Variants in CRACD observed in about 807,000 individuals in gnomAD.
CRACD encodes the protein capping protein inhibiting regulator of actin dynamics.
A neutral mutation model predicts 106.8 loss-of-function variants in CRACD; 56 were observed. That is an observed-to-expected ratio of 0.52 (90% CI 0.42 to 0.66). CRACD has a LOEUF of 0.66. Ranked by LOEUF, CRACD falls within the 30% of genes least tolerant of loss-of-function variation. CRACD has a pLI of 0.00. For missense variants in CRACD, 1,730 were observed against 1,623.2 expected, an observed-to-expected ratio of 1.07 and a Z score of -1.13; for synonymous variants, 754 against 670.8, an observed-to-expected ratio of 1.12 and a Z score of -1.92.
chr4:56,207,321 G>A (rs1738169678), intron 2 of CRACD, among the ~76,000 whole-genome samples: 1 of 152,168 alleles, frequency 6.6e-6, no homozygotes, highest in Non-Finnish European at 1.5e-5. Context: ...AACCTGTTAT[G>A]GAGCCTATGA....
At chr4:56,323,708 T>G (rs1198357316) in intron 9 of CRACD, 141 bp downstream of exon 9, 1 of 816,818 alleles carries the variant, frequency 1.2e-6, no homozygotes. Context: ...CTGACCACCA[T>G]TAAACCAGGG....
At chr4:56,090,880 C>T (rs866985183) in intron 1 of CRACD, among the ~76,000 whole-genome samples, 22 of 152,210 alleles carry the variant, frequency 1.4e-4, no homozygotes, top group Middle Eastern at 6.8e-3. Context: ...GGTTTGGATC[C>T]TGGAGATGGA....
rs1001008348 is a variant in CRACD at position 56,314,489 on chromosome 4, G to A, written c.987G>A (p.Ala329=). The part of the protein sequence containing the change: ...ERRRLQAQAQ[A]EERRRLEEDA... Reference sequence around the variant, plus strand: ...GGCGTCTGCAGGCCCAGGCCCAAGCGGAGGAGAGGCGGCGGCTGGAGGAGG... The same window carrying A: ...GGCGTCTGCAGGCCCAGGCCCAAGCAGAGGAGAGGCGGCGGCTGGAGGAGG... Residue 329 remains alanine (A), a synonymous_variant, in exon 8 of 11, where the codon GCG becomes GCA. Transcript: ENST00000682029. The surrounding 1 kb of genome is among the most constrained non-coding windows in gnomAD (Gnocchi z 4.4). 2.0e-5 allele frequency: 30 copies of A among 1,523,344 alleles called. No homozygotes were observed. Among genetic ancestry groups the A allele is most frequent in the Non-Finnish European group, 2.5e-5 (28 of 1,138,126 alleles). The allele number at this position is 1,523,344 out of a possible 1,614,324, so 94.4% of individuals were successfully genotyped here.
At chr4:56,049,507 TG>T (rs754571097) in intron 1 of CRACD, among the ~76,000 whole-genome samples, 2 of 152,022 alleles carry the variant, frequency 1.3e-5, no homozygotes, top group African/African-American at 2.4e-5. Flanking sequence ...CGGAGGAACC[TG>T]CGCGCGGCTT....
intron 1 of CRACD, among the ~76,000 whole-genome samples, chr4:56,151,239 A>T (rs988852955): frequency 1.3e-5 from 2 of 152,102 alleles, no homozygotes; most frequent in Non-Finnish European, 2.9e-5. Flanking sequence ...ACCTCAGGCG[A>T]TCTGCCTGCC....
At chr4:56,270,418 A>T (rs1742281861) in intron 2 of CRACD, among the ~76,000 whole-genome samples, 1 of 152,054 alleles carries the variant, frequency 6.6e-6, no homozygotes, top group Admixed American at 6.5e-5. Context: ...AGGAAATGAG[A>T]CGTCTGGCTT....
chr4:56,135,098 A>G (rs1734956493), intron 1 of CRACD, among the ~76,000 whole-genome samples: 1 of 152,154 alleles, frequency 6.6e-6, no homozygotes, highest in Admixed American at 6.5e-5. Context: ...CCTGGCCAAG[A>G]TGGTGAAACC....
At chr4:56,324,057 G>T (rs1210521872) in intron 9 of CRACD, 47 bp from the exon 10 acceptor site, 10 of 1,563,962 alleles carry the variant, frequency 6.4e-6, no homozygotes, top group Non-Finnish European at 8.7e-6. Flanking sequence ...GTCTTTCCAT[G>T]TCTTAGGTTG....
chr4:56,119,877 C>T (rs1734427476), intron 1 of CRACD, among the ~76,000 whole-genome samples: 2 of 152,188 alleles, frequency 1.3e-5, no homozygotes, highest in Non-Finnish European at 2.9e-5. Flanking sequence ...CTGCTCCATA[C>T]TTTGTTGATG....
At chr4:56,273,972 C>T (rs1008687135) in intron 3 of CRACD, among the ~76,000 whole-genome samples, 1 of 152,182 alleles carries the variant, frequency 6.6e-6, no homozygotes, top group Non-Finnish European at 1.5e-5. Context: ...TTACAAAACC[C>T]TCAGACCAGT....
intron 1 of CRACD, among the ~76,000 whole-genome samples, chr4:56,098,767 G>A (rs980408994): frequency 1.8e-4 from 28 of 152,042 alleles, no homozygotes; most frequent in African/African-American, 6.5e-4. Context: ...TCTTGGCTCA[G>A]TGCAACCTCT....
intron 1 of CRACD, among the ~76,000 whole-genome samples, chr4:56,141,850 T>C (rs529468931): frequency 8.0e-4 from 122 of 151,554 alleles, no homozygotes; most frequent in Non-Finnish European, 1.4e-3. Context: ...CGCGCCACCA[T>C]GTTGGCTAGT....
intron 1 of CRACD, among the ~76,000 whole-genome samples, chr4:56,147,546 C>T (rs1735431983): frequency 6.6e-6 from 1 of 152,132 alleles, no homozygotes; most frequent in Admixed American, 6.5e-5. Flanking sequence ...TGGTGTCTGG[C>T]TTCTTTCACT....
intron 1 of CRACD, among the ~76,000 whole-genome samples, chr4:56,111,479 A>G (rs929926345): frequency 6.6e-6 from 1 of 152,222 alleles, no homozygotes; most frequent in Non-Finnish European, 1.5e-5. Flanking sequence ...ATAAAAAAGT[A>G]AAGTAAGTAA....
At chr4:56,278,222 C>T (rs746288625) in intron 3 of CRACD, among the ~76,000 whole-genome samples, 1 of 152,058 alleles carries the variant, frequency 6.6e-6, no homozygotes. Context: ...AAAAGGAGAA[C>T]AAAGATGGAA....
rs887041362 is a variant in CRACD, at chr4:56,049,162, G to C, written c.-473G>C. The C allele has an allele frequency of 6.7e-6, 1 of 149,630 alleles. No homozygotes were observed. The highest frequency in any genetic ancestry group is 2.4e-5 in the African/African-American group (1 of 41,204). 9.3% of individuals were successfully genotyped at this position (149,630 alleles called of 1,614,324 possible). A position where few individuals can be genotyped will look rare whatever the true frequency, so the allele number is the denominator to read the frequency against. Reference sequence around the variant, plus strand: ...GGCCACGGCCGACTGAGAGGCGGGTGCGCTGCTGGTGCTGCTGCCGCGGCG... The same window carrying C: ...GGCCACGGCCGACTGAGAGGCGGGTCCGCTGCTGGTGCTGCTGCCGCGGCG... On this transcript the variant is annotated 5_prime_UTR_variant, in exon 1 of 11. Coordinates refer to ENST00000682029, the MANE Select transcript of CRACD (RefSeq NM_001393381.1).
At position 56,085,306 on chromosome 4, in the gene CRACD, T is replaced by A. The variant is rs1278882576; in HGVS notation, c.-336+36007T>A. On this transcript the variant is annotated intron_variant, in intron 1 of 10. Transcript: ENST00000682029. Reference sequence around the variant, plus strand: ...AAACAATATTAGTAGAATCTTTATTTTAAAGTTTATTTATGTGGGTCTTAA... The same window carrying A: ...AAACAATATTAGTAGAATCTTTATTATAAAGTTTATTTATGTGGGTCTTAA... 7.9e-5 allele frequency among the ~76,000 whole-genome samples: 12 copies of A among 152,326 alleles called. No homozygotes were observed. In the East Asian group the frequency reaches 2.3e-3, roughly 29 times the overall value.
At chr4:56,092,556 A>G (rs1313662486) in intron 1 of CRACD, among the ~76,000 whole-genome samples, 1 of 152,144 alleles carries the variant, frequency 6.6e-6, no homozygotes, top group Non-Finnish European at 1.5e-5. Flanking sequence ...TATAAAATAT[A>G]TTATCAAAAT....
At position 56,316,375 on chromosome 4, in the gene CRACD, C is replaced by T. The variant is rs1417073450; in HGVS notation, c.2873C>T (p.Ala958Val). The T allele has an allele frequency of 1.9e-6, 3 of 1,614,120 alleles. No individual in the cohort carries two copies. Among genetic ancestry groups the T allele is most frequent in the South Asian group, 1.1e-5 (1 of 91,080 alleles). ...HDKAANKMPL[A>V]QKPALAPKPT... Reference sequence around the variant, plus strand: ...AAGGCAGCAAACAAAATGCCACTGGCACAAAAGCCAGCACTGGCTCCCAAG... The same window carrying T: ...AAGGCAGCAAACAAAATGCCACTGGTACAAAAGCCAGCACTGGCTCCCAAG... The change falls in exon 8 of 11, where the codon GCA becomes GTA. Residue 958 changes from alanine to valine, a missense_variant. Around this residue, in one of 5 missense-constraint regions of CRACD, gnomAD observed 1,620 missense variants for 1,481.6 expected, o/e 1.09. Transcript: ENST00000682029.
Sources: allele counts gnomAD v4.1 joint callset (sites outside exome capture counted in the v4.1 genomes callset), GRCh38; gene constraint gnomAD v4.1.1; regional missense constraint gnomAD v4.1.1; non-coding constraint Gnocchi (gnomAD v3.1); transcripts MANE v1.5; gene names NCBI Gene and HGNC (gene_info 2026-07-23, HGNC 2026-07-21).